The following CBFB variants were observed in gnomAD, a reference collection of about 807,000 sequenced individuals.
The protein encoded by CBFB is core-binding factor subunit beta.
In CBFB, 9 loss-of-function variants were observed where a neutral mutation model predicts 30.4. The ratio of observed to expected loss-of-function variants is 0.30; its 90% CI spans 0.18 to 0.52. The LOEUF (loss-of-function observed/expected upper bound fraction) is 0.52, where lower values mean the gene tolerates loss of function less well. Among genes scored for constraint, CBFB ranks in the 20% least tolerant of loss-of-function variants. CBFB has a pLI of 0.97. For missense variants in CBFB, 170 were observed against 244.0 expected (o/e 0.70, Z 2.02); for synonymous variants, 94 against 84.0 (o/e 1.12, Z -0.65).
chr16:67,098,545 A>T (rs545492703), intron 5 of CBFB, among the ~76,000 whole-genome samples, 165 bp from the exon 6 acceptor site: 2 of 152,238 alleles, frequency 1.3e-5, no homozygotes, highest in South Asian at 4.1e-4. Flanking sequence ...AATATGTCAG[A>T]CATAATTTTA....
At chr16:67,068,429 T>TGGC (rs1375634760) in intron 4 of CBFB, among the ~76,000 whole-genome samples, 1 of 151,964 alleles carries the variant, frequency 6.6e-6, no homozygotes, top group African/African-American at 2.4e-5. Flanking sequence ...TGCAGTGAAC[T>TGGC]ATGATCATGC....
chr16:67,071,832 G>C (rs763163300), intron 4 of CBFB, among the ~76,000 whole-genome samples: 3 of 152,264 alleles, frequency 2.0e-5, no homozygotes, highest in East Asian at 1.9e-4. Context: ...TTTATACTTA[G>C]GGTTTCCACT....
At chr16:67,064,868 A>G (rs886076577) in intron 3 of CBFB, among the ~76,000 whole-genome samples, 2 of 152,096 alleles carry the variant, frequency 1.3e-5, no homozygotes, top group Non-Finnish European at 2.9e-5. Flanking sequence ...AAAGTTAATA[A>G]AAGTGTAAAA....
At chr16:67,078,325 A>T (rs1253350424) in intron 4 of CBFB, among the ~76,000 whole-genome samples, 1 of 152,132 alleles carries the variant, frequency 6.6e-6, no homozygotes, top group African/African-American at 2.4e-5. Context: ...AGGCAGGAGG[A>T]TCACTTGATA....
chr16:67,076,245 T>C (rs1961392662), intron 4 of CBFB, among the ~76,000 whole-genome samples: 4 of 151,932 alleles, frequency 2.6e-5, no homozygotes, highest in Admixed American at 2.6e-4. Context: ...ATTTAAAAAA[T>C]TAGCCAGGCA....
chr16:67,056,452 G>T (rs1156385789), intron 3 of CBFB, among the ~76,000 whole-genome samples: 1 of 152,152 alleles, frequency 6.6e-6, no homozygotes, highest in East Asian at 1.9e-4. Flanking sequence ...AGGAACAGTG[G>T]TTTAGTGTTC....
intron 3 of CBFB, among the ~76,000 whole-genome samples, chr16:67,062,814 A>G (rs184502873): frequency 6.6e-6 from 1 of 152,064 alleles, no homozygotes; most frequent in East Asian, 1.9e-4. Context: ...TAATTTTTTT[A>G]AAAAGAATAA....
intron 3 of CBFB, among the ~76,000 whole-genome samples, chr16:67,041,900 C>CT (rs577858550): frequency 0.043 from 5,436 of 125,194 alleles, 137 homozygotes; most frequent in Non-Finnish European, 0.055. Context: ...TCCTGCCCTT[C>CT]TTTTTTTTTT....
chr16:67,076,479 C>G (rs928406079), intron 4 of CBFB, among the ~76,000 whole-genome samples: 2 of 152,128 alleles, frequency 1.3e-5, no homozygotes, highest in Non-Finnish European at 2.9e-5. Flanking sequence ...GTTTTTCCCC[C>G]CATTTATTTC....
chr16:67,077,620 A>G (rs1407139866), intron 4 of CBFB, among the ~76,000 whole-genome samples: 4 of 152,204 alleles, frequency 2.6e-5, no homozygotes, highest in Admixed American at 6.5e-5. Flanking sequence ...GTAAATGTCG[A>G]TATTTTGTGC....
At chr16:67,036,060 A>C (rs541020284) in intron 2 of CBFB, among the ~76,000 whole-genome samples, 1 of 143,264 alleles carries the variant, frequency 7.0e-6, no homozygotes, top group East Asian at 2.0e-4. Context: ...TCCTAAAGTC[A>C]AATGTGAGAA....
chr16:67,051,989 A>T (rs1480777347), intron 3 of CBFB, among the ~76,000 whole-genome samples: 1 of 151,828 alleles, frequency 6.6e-6, no homozygotes, highest in African/African-American at 2.4e-5. Context: ...ATATTTTGAG[A>T]CAAGTTCTGG....
intron 5 of CBFB, among the ~76,000 whole-genome samples, chr16:67,088,258 TA>T (rs1961783720): frequency 6.6e-6 from 1 of 152,160 alleles, no homozygotes; most frequent in African/African-American, 2.4e-5. Context: ...TTTCCATCCA[TA>T]AAAAATTCCT....
In CBFB at chr16:67,100,752, T is replaced by C. The variant is rs563011320; in HGVS notation, c.*1974T>C. The C allele has an allele frequency of 6.4e-5, 14 of 217,706 alleles. No homozygotes were observed. Among genetic ancestry groups the C allele is most frequent in the Admixed American group, 1.7e-4 (3 of 17,242 alleles). 13.5% of individuals were successfully genotyped at this position (217,706 alleles called of 1,614,324 possible). A position where few individuals can be genotyped will look rare whatever the true frequency, so the allele number is the denominator to read the frequency against. Reference sequence around the variant, plus strand: ...AAATGTTCCTGTTACCATCCTAATGTAAATACTGGATTTTTCTGTCATTTA... The same window carrying C: ...AAATGTTCCTGTTACCATCCTAATGCAAATACTGGATTTTTCTGTCATTTA... On this transcript the variant is annotated 3_prime_UTR_variant, in exon 6 of 6. Transcript: ENST00000412916.
At chr16:67,073,273 A>G (rs2145758927) in intron 4 of CBFB, among the ~76,000 whole-genome samples, 1 of 152,354 alleles carries the variant, frequency 6.6e-6, no homozygotes, top group African/African-American at 2.4e-5. Flanking sequence ...GCTTTTGTCC[A>G]GAGTGCCTTT....
At position 67,055,911 on chromosome 16, in the gene CBFB, T is replaced by C. The variant is rs1960710142; in HGVS notation, c.283-10771T>C. On this transcript the variant is annotated intron_variant, in intron 3 of 5. Transcript: ENST00000412916. ...GAACCAAGTATCTTCTAAAGGAATC[T>C]GTTGAATAGACTACAGAAATGATTA... Among the ~76,000 whole-genome samples, 3 of 152,312 alleles carry C rather than the reference T, an allele frequency of 2.0e-5. No homozygotes were observed. The South Asian group carries it at 6.2e-4, about 32-fold the overall frequency.
intron 3 of CBFB, among the ~76,000 whole-genome samples, chr16:67,042,842 TCTC>T (rs1966554810): frequency 6.6e-6 from 1 of 152,046 alleles, no homozygotes; most frequent in Non-Finnish European, 1.5e-5. Context: ...TTCAAGCAAT[TCTC>T]CTTCCTCAGC....
intron 3 of CBFB, among the ~76,000 whole-genome samples, chr16:67,061,928 A>AGGCTGAGGCAGGAGAATCCTG (rs1271524003): frequency 6.6e-6 from 1 of 152,012 alleles, no homozygotes; most frequent in Non-Finnish European, 1.5e-5. Context: ...GATACTTGGG[A>AGGCTGAGGCAGGAGAATCCTG]GGCTGAGGCA....
At chr16:67,083,988 G>A (rs2145774040) in intron 5 of CBFB, among the ~76,000 whole-genome samples, 1 of 151,746 alleles carries the variant, frequency 6.6e-6, no homozygotes, top group African/African-American at 2.4e-5. Flanking sequence ...GGGCAAAATA[G>A]CAAGCCCCCA....
Sources: allele counts gnomAD v4.1 joint callset (sites outside exome capture counted in the v4.1 genomes callset), GRCh38; gene constraint gnomAD v4.1.1; transcripts MANE v1.5; gene names NCBI Gene and HGNC (gene_info 2026-07-23, HGNC 2026-07-21).